IL34: variants seen among roughly 807,000 people sequenced by gnomAD.
The protein encoded by IL34 is interleukin-34.
A neutral mutation model predicts 25.3 loss-of-function variants in IL34; 17 were observed. The ratio of observed to expected loss-of-function variants is 0.67; its 90% confidence interval spans 0.46 to 1.01. The LOEUF (loss-of-function observed/expected upper bound fraction) is 1.01, where lower values mean the gene tolerates loss of function less well. Among genes scored for constraint, IL34 ranks in the 50% least tolerant of loss-of-function variants. The probability of loss-of-function intolerance (pLI) is 0.00; values close to 1 mark genes in which losing one functional copy is unlikely to be tolerated. For synonymous variants in IL34, 174 were observed against 140.9 expected, an observed-to-expected ratio of 1.23 and a Z score of -1.66; for missense variants, 368 against 312.9, an observed-to-expected ratio of 1.18 and a Z score of -1.33.
At chr16:70,623,132 T>A (rs939830894) in intron 1 of IL34, among the ~76,000 whole-genome samples, 1 of 151,994 alleles carries the variant, frequency 6.6e-6, no homozygotes, top group African/African-American at 2.4e-5. Flanking sequence ...TGGGCTTGAT[T>A]GAAGTAATGG....
At chr16:70,588,627 G>A (rs1431037465) in intron 1 of IL34, among the ~76,000 whole-genome samples, 1 of 152,104 alleles carries the variant, frequency 6.6e-6, no homozygotes, top group Non-Finnish European at 1.5e-5. Context: ...AGCATCAATC[G>A]TAGCTAAAAG....
chr16:70,659,787 G>A (rs1352634085), intron 5 of IL34, 34 bp downstream of exon 5: 3 of 1,576,096 alleles, frequency 1.9e-6, no homozygotes, highest in South Asian at 1.1e-5. Context: ...GCCTGGGGGT[G>A]GGAGGCCAGG....
At chr16:70,597,882 G>A (rs946625360) in intron 1 of IL34, among the ~76,000 whole-genome samples, 21 of 152,238 alleles carry the variant, frequency 1.4e-4, no homozygotes, top group African/African-American at 5.1e-4. Flanking sequence ...TTGTCGTCCA[G>A]GCTGGAGTGC....
At chr16:70,592,058 G>C (rs1407857602) in intron 1 of IL34, among the ~76,000 whole-genome samples, 1 of 147,286 alleles carries the variant, frequency 6.8e-6, no homozygotes, top group East Asian at 2.0e-4. Context: ...CATGGGGGCG[G>C]CGGGGAGGTG....
At chr16:70,585,664 A>G (rs75090514) in intron 1 of IL34, among the ~76,000 whole-genome samples, 13,330 of 151,088 alleles carry the variant, frequency 0.088, 1,382 homozygotes, top group African/African-American at 0.23. Flanking sequence ...ACTCCAGCCT[A>G]GGTGACAGAG....
intron 1 of IL34, among the ~76,000 whole-genome samples, chr16:70,581,881 G>A (rs2050639073): frequency 1.3e-5 from 2 of 152,092 alleles, no homozygotes; most frequent in East Asian, 1.9e-4. Context: ...CTGGGATTTC[G>A]AGACCAGCCT....
chr16:70,622,989 A>G (rs1208005912), intron 1 of IL34, among the ~76,000 whole-genome samples: 2 of 152,094 alleles, frequency 1.3e-5, no homozygotes, highest in African/African-American at 4.8e-5. Flanking sequence ...CACACTAACC[A>G]TACCTAGGAA....
chr16:70,648,483 G>A (rs1321075163), intron 1 of IL34, among the ~76,000 whole-genome samples: 1 of 147,304 alleles, frequency 6.8e-6, no homozygotes, highest in African/African-American at 2.5e-5. Context: ...AGCCCAGGAG[G>A]TTGAGGCTGC....
At chr16:70,648,575 AG>A (rs1454795426) in intron 1 of IL34, among the ~76,000 whole-genome samples, 48 of 142,994 alleles carry the variant, frequency 3.4e-4, no homozygotes, top group African/African-American at 1.2e-3. Context: ...AAAAAAAAAA[AG>A]GAGAAAAGAA....
chr16:70,590,924 C>T (rs532795035), intron 1 of IL34, among the ~76,000 whole-genome samples: 18 of 152,326 alleles, frequency 1.2e-4, no homozygotes, highest in Admixed American at 5.2e-4. Context: ...GTGCCCTCCC[C>T]GTCGTCAGTG....
At chr16:70,620,425 A>G (rs1426656813) in intron 1 of IL34, among the ~76,000 whole-genome samples, 3 of 147,848 alleles carry the variant, frequency 2.0e-5, no homozygotes, top group African/African-American at 7.8e-5. Context: ...TGTAAGCCCC[A>G]CCAGGTGTGA....
chr16:70,586,524 C>T (rs2050696561), intron 1 of IL34, among the ~76,000 whole-genome samples: 1 of 152,150 alleles, frequency 6.6e-6, no homozygotes. Flanking sequence ...CCACTGCACT[C>T]CAGCCTGGGT....
chr16:70,636,797 C>A (rs530721477), intron 1 of IL34, among the ~76,000 whole-genome samples: 70 of 115,380 alleles, frequency 6.1e-4, no homozygotes, highest in East Asian at 1.8e-3. Flanking sequence ...AAACAAAAAA[C>A]AAAACAAAAC....
upstream of IL34, among the ~76,000 whole-genome samples, chr16:70,645,566 C>A (rs146048143): frequency 6.3e-4 from 96 of 152,320 alleles, no homozygotes; most frequent in Admixed American, 2.2e-3. Flanking sequence ...ACCACGCACA[C>A]ACGCTGAGCC....
At chr16:70,640,240 C>T (rs2151861305) in intron 1 of IL34, among the ~76,000 whole-genome samples, 1 of 152,272 alleles carries the variant, frequency 6.6e-6, no homozygotes, top group East Asian at 1.9e-4. Flanking sequence ...CTCCTGGGCT[C>T]AAGCAATCAT....
rs2051425703 is a variant in IL34, at chr16:70,627,635, A to G, written c.-400-18913A>G. ...AGGCACAAGCCACCATACCTGGCTA[A>G]TCTTTTTATTTTTTTGTAGAGATGG... On this transcript the variant is annotated intron_variant, in intron 1 of 6. Transcript: ENST00000429149. 1.3e-5 allele frequency among the ~76,000 whole-genome samples: 2 copies of G among 151,944 alleles called. 1 individual carries two copies. The highest frequency in any genetic ancestry group is 4.2e-4 in the South Asian group (2 of 4,810).
chr16:70,648,606 A>T (rs28630970), intron 1 of IL34, among the ~76,000 whole-genome samples: 26,077 of 144,150 alleles, frequency 0.18, 3,458 homozygotes, highest in African/African-American at 0.38. Context: ...AAGAAAAGCA[A>T]GGGAGAGGGG....
At chr16:70,640,632 A>AAT (rs1160200722) in intron 1 of IL34, among the ~76,000 whole-genome samples, 1 of 151,710 alleles carries the variant, frequency 6.6e-6, no homozygotes, top group African/African-American at 2.4e-5. Context: ...TCAATAAAAA[A>AAT]AAAAAAAAAA....
At chr16:70,647,026 A>G (rs2051951950) in intron 1 of IL34, 51 bp downstream of exon 1, 5 of 1,409,970 alleles carry the variant, frequency 3.5e-6, no homozygotes, top group Non-Finnish European at 3.7e-6. Context: ...CTTGGCCTAG[A>G]TCCAGGATCT....
Sources: gnomAD v4.1 joint callset for allele counts (sites outside exome capture counted in the v4.1 genomes callset) on GRCh38, gnomAD v4.1.1 for gene constraint, MANE v1.5 for transcripts, NCBI Gene and HGNC (gene_info 2026-07-23, HGNC 2026-07-21) for gene names.